XRRA1: variants seen among roughly 807,000 people sequenced by gnomAD.
XRRA1 encodes X-ray radiation resistance-associated protein 1.
In XRRA1, 69 loss-of-function variants were observed where a neutral mutation model predicts 80.2. The observed-to-expected ratio is 0.86, with a 90% CI of 0.71 to 1.05. XRRA1 has a LOEUF of 1.05. Among genes scored for constraint, XRRA1 ranks in the 50% least tolerant of loss-of-function variants. The pLI, the probability that XRRA1 is intolerant of heterozygous loss-of-function variation, is 0.00. For synonymous variants in XRRA1, 348 were observed against 389.9 expected (o/e 0.89, Z 1.27); for missense variants, 967 against 976.4 (o/e 0.99, Z 0.13).
intron 10 of XRRA1, among the ~76,000 whole-genome samples, chr11:74,899,739 T>G (rs2053182081): frequency 6.6e-6 from 1 of 152,122 alleles, no homozygotes; most frequent in South Asian, 2.1e-4. Flanking sequence ...CATTAACAAG[T>G]AACGTGATTG....
intron 10 of XRRA1, among the ~76,000 whole-genome samples, chr11:74,880,681 C>T (rs2047313914): frequency 1.3e-5 from 2 of 150,976 alleles, no homozygotes; most frequent in African/African-American, 2.4e-5. Flanking sequence ...TCGTTGGTTT[C>T]AAAGAACATC....
At chr11:74,845,395 A>G in intron 15 of XRRA1, 124 bp from the exon 16 acceptor site, 2 of 912,296 alleles carry the variant, frequency 2.2e-6, no homozygotes, top group Non-Finnish European at 3.3e-6. Flanking sequence ...TAAGACCAAG[A>G]CTGGGATGGA....
intron 12 of XRRA1, 127 bp downstream of exon 12, chr11:74,859,031 G>T: frequency 1.5e-6 from 2 of 1,294,418 alleles, no homozygotes; most frequent in Non-Finnish European, 2.0e-6. Flanking sequence ...CCCACCCTGA[G>T]AATTCCTGAG....
At chr11:74,878,469 C>T (rs370819016) in intron 10 of XRRA1, among the ~76,000 whole-genome samples, 1 of 152,086 alleles carries the variant, frequency 6.6e-6, no homozygotes. Context: ...TTAGTTTAAT[C>T]AGATCCCATT....
chr11:74,940,842 T>A lies in XRRA1; in HGVS notation c.37A>T (p.Lys13Ter). ...GGGAAGCAGTTGTTCAGGTAAGGCT[T>A]CCCATCATCCAGCTTGTAGATTCCT... ...FSGIYKLDDG[K>*]PYLNNCFPAR... is the part of the protein sequence containing the mutation. Residue 13 changes from lysine (K) to a stop codon, truncating the protein, a stop_gained, in exon 3 of 19, where the codon AAG becomes TAG. Transcript: ENST00000684022. LOFTEE classifies it high-confidence loss of function. The A allele has an allele frequency of 6.2e-7, 1 of 1,609,642 alleles. No homozygotes were observed. The highest frequency in any genetic ancestry group is 8.5e-7 in the Non-Finnish European group (1 of 1,178,080).
intron 8 of XRRA1, among the ~76,000 whole-genome samples, chr11:74,914,797 A>G (rs1938003537): frequency 1.3e-5 from 2 of 151,120 alleles, no homozygotes; most frequent in Admixed American, 1.3e-4. Flanking sequence ...CTATGTGATC[A>G]TGCAACCTGA....
At position 74,949,069 on chromosome 11, in the gene XRRA1, A is replaced by C. The variant is rs773018028; in HGVS notation, c.-214T>G. On this transcript the variant is annotated 5_prime_UTR_variant, in exon 1 of 19. Transcript: ENST00000684022. ...CCGCTATCTTCCCCACGCCTTAGTA[A>C]CTGCGACGCGACGGCAGACAGTGTA... 1 of 466,212 alleles carries C rather than the reference A, an allele frequency of 2.1e-6. No individual in the cohort carries two copies. Among genetic ancestry groups the C allele is most frequent in the Admixed American group, 4.1e-5 (1 of 24,282 alleles). 28.9% of individuals were successfully genotyped at this position (466,212 alleles called of 1,614,324 possible). A position where few individuals can be genotyped will look rare whatever the true frequency, so the allele number is the denominator to read the frequency against.
Position 74,843,044 on chromosome 11 carries a change from A to G in XRRA1, c.*156T>C, listed in dbSNP as rs942050171. 1 of 1,055,958 alleles carries G rather than the reference A, an allele frequency of 9.5e-7. No homozygotes were observed. Among genetic ancestry groups the G allele is most frequent in the Non-Finnish European group, 1.3e-6 (1 of 753,848 alleles). 65.4% of individuals were successfully genotyped at this position (1,055,958 alleles called of 1,614,324 possible). ...CCTGGGCCAAGGAGGGGAGATCCTG[A>G]CAAGGGGATGCCACCTTGTGGCCAG... On this transcript the variant is annotated 3_prime_UTR_variant, in exon 19 of 19. Coordinates refer to ENST00000684022, the MANE Select transcript of XRRA1 (RefSeq NM_001378157.1).
At chr11:74,904,250 CAT>C (rs1407813984) in intron 10 of XRRA1, among the ~76,000 whole-genome samples, 2 of 152,068 alleles carry the variant, frequency 1.3e-5, no homozygotes, top group Non-Finnish European at 2.9e-5. Context: ...AAAAAGAAGA[CAT>C]GTATTTGGTT....
At chr11:74,859,022 C>A in intron 12 of XRRA1, 136 bp downstream of exon 12, 4 of 1,243,662 alleles carry the variant, frequency 3.2e-6, no homozygotes, top group Non-Finnish European at 4.3e-6. Context: ...TCCACTTTCC[C>A]CACCCTGAGA....
intron 10 of XRRA1, among the ~76,000 whole-genome samples, chr11:74,879,394 A>AT (rs1339852883): frequency 1.3e-5 from 2 of 152,168 alleles, no homozygotes; most frequent in Non-Finnish European, 2.9e-5. Flanking sequence ...TAGATATACA[A>AT]TTATGTTGTC....
intron 7 of XRRA1, among the ~76,000 whole-genome samples, chr11:74,924,492 TAA>T (rs1305152079): frequency 6.9e-6 from 1 of 145,718 alleles, no homozygotes; most frequent in African/African-American, 2.6e-5. Flanking sequence ...AAAAAAAGAA[TAA>T]GAGTGTGTTT....
chr11:74,848,240 A>G lies in XRRA1; in HGVS notation c.1603T>C (p.Cys535Arg). The G allele has an allele frequency of 6.2e-7, 1 of 1,613,902 alleles. No homozygotes were observed. Among genetic ancestry groups the G allele is most frequent in the Non-Finnish European group, 8.5e-7 (1 of 1,179,850 alleles). Residue 535 changes from cysteine (C) to arginine (R), a missense_variant, in exon 15 of 19, where the codon TGC (cysteine) becomes CGC (arginine). Coordinates refer to ENST00000684022, the MANE Select transcript of XRRA1 (RefSeq NM_001378157.1). ...CRTFVPLPPI[C>R]SNSTVHSEET... is the part of the protein sequence containing the mutation. ...TCACTATGCACAGTGGAGTTGGAGC[A>G]GATGGGAGGCAGTGGCACGAAGGTC... is the stretch of plus-strand genomic sequence containing the variant.
In XRRA1 at chr11:74,883,536, C is replaced by A. The variant is rs192837623; in HGVS notation, c.1004-20515G>T. On this transcript the variant is annotated intron_variant, in intron 10 of 18. Transcript: ENST00000684022. ...CCTATTCGGCCATCTTGGCTCCCAG[C>A]GGGATTCTTAATATTCATATTCAAA... 2.0e-5 allele frequency among the ~76,000 whole-genome samples: 3 copies of A among 151,362 alleles called. No homozygotes were observed. In the East Asian group the frequency reaches 5.9e-4, roughly 30 times the overall value.
At chr11:74,919,231 C>T (rs2138838418) in intron 8 of XRRA1, among the ~76,000 whole-genome samples, 1 of 152,020 alleles carries the variant, frequency 6.6e-6, no homozygotes, top group African/African-American at 2.4e-5. Context: ...TAATATGAAA[C>T]ATTTATGGCT....
intron 1 of XRRA1, among the ~76,000 whole-genome samples, chr11:74,946,660 T>A (rs1947593620): frequency 6.6e-6 from 1 of 152,210 alleles, no homozygotes; most frequent in Non-Finnish European, 1.5e-5. Flanking sequence ...CACACTGTAT[T>A]ATAATGCCTG....
At chr11:74,918,940 A>G (rs922126613) in intron 8 of XRRA1, 11 of 152,306 alleles carry the variant, frequency 7.2e-5, no homozygotes, top group African/African-American at 2.7e-4. Context: ...CAGGTCTACA[A>G]TTACAGTGAC....
At chr11:74,891,369 ACT>A (rs1379266170) in intron 10 of XRRA1, among the ~76,000 whole-genome samples, 6 of 152,010 alleles carry the variant, frequency 3.9e-5, no homozygotes, top group Non-Finnish European at 5.9e-5. Flanking sequence ...CATGCTAAAA[ACT>A]CTCAATAAAT....
At chr11:74,854,816 G>C (rs758794828) in intron 12 of XRRA1, among the ~76,000 whole-genome samples, 5 of 151,988 alleles carry the variant, frequency 3.3e-5, no homozygotes, top group African/African-American at 4.8e-5. Flanking sequence ...TCAGGAGTTT[G>C]AGACCAGCCT....
Sources: gnomAD v4.1 joint callset for allele counts (sites outside exome capture counted in the v4.1 genomes callset) on GRCh38, gnomAD v4.1.1 for gene constraint, MANE v1.5 for transcripts, NCBI Gene and HGNC (gene_info 2026-07-23, HGNC 2026-07-21) for gene names.